The following RUSF1 variants were observed in gnomAD, a reference collection of about 807,000 sequenced individuals.
The protein encoded by RUSF1 is RUS family member 1, also known as RUS1 family protein C16orf58.
In RUSF1, 58 loss-of-function variants were observed where a neutral mutation model predicts 63.0. That is an observed-to-expected ratio of 0.92 (90% CI 0.75 to 1.15). The LOEUF (loss-of-function observed/expected upper bound fraction) is 1.15. Among genes scored for constraint, RUSF1 ranks in the 50% most tolerant of loss-of-function variants. The pLI is 0.00. For synonymous variants in RUSF1, 274 were observed against 255.8 expected (o/e 1.07, Z -0.68); for missense variants, 652 against 611.0 (o/e 1.07, Z -0.71).
At chr16:31,506,901 T>G (rs1315207065) in intron 2 of RUSF1, among the ~76,000 whole-genome samples, 1 of 152,078 alleles carries the variant, frequency 6.6e-6, no homozygotes, top group Non-Finnish European at 1.5e-5. Flanking sequence ...GTTTTCTCAG[T>G]CTTAATGGTA....
chr16:31,492,395 T>TTCTA lies in RUSF1; in HGVS notation c.1088-59_1088-56dup, dbSNP rs1390966706. The TTCTA allele has an allele frequency of 2.0e-6, 3 of 1,487,940 alleles. No homozygotes were observed. In the African/African-American group the frequency reaches 4.2e-5, roughly 21 times the overall value. The allele number at this position is 1,487,940 out of a possible 1,614,324, so 92.2% of individuals were successfully genotyped here. ...AGGGAAGGGCCACCTCCCAAACCCC[T>TTCTA]TCTATCCCATCACCCTGCTTCCCCT... On this transcript the variant is annotated intron_variant, in intron 10 of 12. Coordinates refer to ENST00000327237, the MANE Select transcript of RUSF1 (RefSeq NM_022744.4).
At chr16:31,496,760 G>C in intron 6 of RUSF1, 89 bp downstream of exon 6, 2 of 1,135,158 alleles carry the variant, frequency 1.8e-6, no homozygotes, top group Non-Finnish European at 2.4e-6. Flanking sequence ...ACTTCTTCCT[G>C]TGTGTTCCTG....
In RUSF1 at chr16:31,500,713, C is replaced by T. The variant is rs745330831; in HGVS notation, c.434G>A (p.Gly145Asp). Residue 145 changes from glycine (G) to aspartate (D), a missense_variant, in exon 3 of 13, where the codon GGC (glycine) becomes GAC (aspartate). Transcript: ENST00000327237. ...TTTCCACCAGGCAAAGACGATGCGG[C>T]CCAGCATGCCAGTTGAATCTGGGGG... ...WLVKDSTGMLGRIVFAWWKGS... is the reference protein window; with the variant it reads ...WLVKDSTGMLDRIVFAWWKGS... 2 of 1,612,400 alleles carry T rather than the reference C, an allele frequency of 1.2e-6. No homozygotes were observed. Among genetic ancestry groups the T allele is most frequent in the Admixed American group, 3.3e-5 (2 of 59,896 alleles).
At position 31,490,564 on chromosome 16, in the gene RUSF1, C is replaced by T; in HGVS notation, c.*271G>A. Reference sequence around the variant, plus strand: ...CAACTGCGTTGGACACCATAAGCCACAGCCTCACAGGAAGTGGGGGTGAGG... The same window carrying T: ...CAACTGCGTTGGACACCATAAGCCATAGCCTCACAGGAAGTGGGGGTGAGG... On this transcript the variant is annotated 3_prime_UTR_variant, in exon 13 of 13. Coordinates refer to ENST00000327237, the MANE Select transcript of RUSF1 (RefSeq NM_022744.4). 1 of 1,558,410 alleles carries T rather than the reference C, an allele frequency of 6.4e-7. No individual in the cohort carries two copies. The highest frequency in any genetic ancestry group is 1.3e-5 in the African/African-American group (1 of 74,224).
intron 6 of RUSF1, among the ~76,000 whole-genome samples, chr16:31,496,391 G>C (rs555940853): frequency 6.6e-6 from 1 of 152,278 alleles, no homozygotes; most frequent in South Asian, 2.1e-4. Flanking sequence ...GGGGTTTGTA[G>C]AGGTCTAATC....
rs577485503 is a variant in RUSF1 at position 31,500,942 on chromosome 16, A to T, written c.416-211T>A. Among the ~76,000 whole-genome samples the T allele has an allele frequency of 3.3e-5, 5 of 152,336 alleles. No individual in the cohort carries two copies. In the South Asian group the frequency reaches 1.0e-3, roughly 32 times the overall value. On this transcript the variant is annotated intron_variant, in intron 2 of 12. Coordinates refer to ENST00000327237, the MANE Select transcript of RUSF1 (RefSeq NM_022744.4). ...TCAATATGTCCCCTAGGAGACATGGACAAGAAATGTTCTTTGCAGAATTGT... is the reference window on the plus strand; with the variant it reads ...TCAATATGTCCCCTAGGAGACATGGTCAAGAAATGTTCTTTGCAGAATTGT...
chr16:31,492,301 T>C lies in RUSF1; in HGVS notation c.1127A>G (p.Lys376Arg), dbSNP rs747680425. ...ATGTGTGGCGGCCCTTAGGATGGTC[T>C]TGGGGCCTGCCTTCTGGTTCAGAAC... ...QVVLNQKAGP[K>R]TILRAATHGL... is the part of the protein sequence containing the mutation. The change falls in exon 11 of 13, where the codon AAG becomes AGG. Residue 376 changes from lysine to arginine, a missense_variant. Physicochemically the swap from Lys to Arg is conservative, Grantham distance 26 (BLOSUM62 2). Transcript: ENST00000327237. The C allele has an allele frequency of 6.2e-7, 1 of 1,603,098 alleles. No individual in the cohort carries two copies. Among genetic ancestry groups the C allele is most frequent in the South Asian group, 1.1e-5 (1 of 89,818 alleles).
In RUSF1 at chr16:31,492,206, C is replaced by G. The variant is rs367549185; in HGVS notation, c.1222G>C (p.Val408Leu). The G allele has an allele frequency of 6.2e-7, 1 of 1,610,838 alleles. No individual in the cohort carries two copies. The highest frequency in any genetic ancestry group is 8.5e-7 in the Non-Finnish European group (1 of 1,178,110). Reference protein sequence around the residue: ...PAELEELRNRVRAGPKKESWV... With the variant: ...PAELEELRNRLRAGPKKESWV... ...ATCTTGAGGCACTTACCTGCCCGCA[C>G]CCGGTTCCTCAGCTCCTCCAGCTCT... Residue 408 changes from valine to leucine, a missense_variant, in exon 11 of 13, where the codon GTG (valine) becomes CTG (leucine). Coordinates refer to ENST00000327237, the MANE Select transcript of RUSF1 (RefSeq NM_022744.4).
chr16:31,492,382 C>T (rs781000937), intron 10 of RUSF1, 42 bp from the exon 11 acceptor site: 6 of 1,504,648 alleles, frequency 4.0e-6, no homozygotes, highest in Non-Finnish European at 5.3e-6. Flanking sequence ...GGAAGGGCCA[C>T]CTCCCAAACC....
chr16:31,500,190 C>T (rs2082625635), intron 3 of RUSF1, among the ~76,000 whole-genome samples: 1 of 152,124 alleles, frequency 6.6e-6, no homozygotes, highest in Admixed American at 6.5e-5. Flanking sequence ...GGATTTGCAG[C>T]ATTAGGCCCG....
At chr16:31,502,287 A>T (rs1424293794) in intron 2 of RUSF1, among the ~76,000 whole-genome samples, 1 of 152,048 alleles carries the variant, frequency 6.6e-6, no homozygotes, top group Non-Finnish European at 1.5e-5. Context: ...CAGCCCTCCC[A>T]TTCTCCACTG....
At chr16:31,494,473 G>A (rs1388141139) in intron 6 of RUSF1, among the ~76,000 whole-genome samples, 5 of 151,380 alleles carry the variant, frequency 3.3e-5, no homozygotes, top group East Asian at 1.9e-4. Context: ...CTGAGATCAC[G>A]CCACTTCACT....
chr16:31,492,885 C>A, intron 10 of RUSF1, 93 bp downstream of exon 10: 1 of 1,323,878 alleles, frequency 7.6e-7, no homozygotes. Context: ...CAGGCAGCCT[C>A]CAAACTGCCC....
In RUSF1 at chr16:31,490,258, TGGA is replaced by T; in HGVS notation, c.*574_*576del. On this transcript the variant is annotated 3_prime_UTR_variant, in exon 13 of 13. Transcript: ENST00000327237. Reference sequence around the variant, plus strand: ...AGGGCACCATGCTGGGAGGTGGGGCTGGAGGAGCTGAGTTCCCGCAAACTAACT... The same window carrying T: ...AGGGCACCATGCTGGGAGGTGGGGCTGGAGCTGAGTTCCCGCAAACTAACT... 6.2e-7 allele frequency: 1 copy of T among 1,613,996 alleles called. No individual in the cohort carries two copies. Among genetic ancestry groups the T allele is most frequent in the Non-Finnish European group, 8.5e-7 (1 of 1,179,952 alleles).
At chr16:31,499,245 C>T in intron 5 of RUSF1, 57 bp downstream of exon 5, 2 of 1,474,220 alleles carry the variant, frequency 1.4e-6, no homozygotes, top group Middle Eastern at 1.9e-4. Context: ...CCCAGGTAAA[C>T]TCACACACTA....
Position 31,490,629 on chromosome 16 carries a change from G to A in RUSF1, c.*206C>T. 1.7e-6 allele frequency: 2 copies of A among 1,186,256 alleles called. No homozygotes were observed. Among genetic ancestry groups the A allele is most frequent in the Non-Finnish European group, 2.5e-6 (2 of 816,202 alleles). 73.5% of individuals were successfully genotyped at this position (1,186,256 alleles called of 1,614,324 possible). A position where few individuals can be genotyped will look rare whatever the true frequency, so the allele number is the denominator to read the frequency against. ...CCCAGAAAAGGGGAAGGGGCAGTGGGGTGAGAAGGTCCTGGCTCCCCTTCT... is the reference window on the plus strand; with the variant it reads ...CCCAGAAAAGGGGAAGGGGCAGTGGAGTGAGAAGGTCCTGGCTCCCCTTCT... On this transcript the variant is annotated 3_prime_UTR_variant, in exon 13 of 13. Coordinates refer to ENST00000327237, the MANE Select transcript of RUSF1 (RefSeq NM_022744.4).
intron 6 of RUSF1, 40 bp downstream of exon 6, chr16:31,496,809 C>T (rs1417424255): frequency 2.0e-6 from 3 of 1,489,834 alleles, no homozygotes; most frequent in South Asian, 2.6e-5. Context: ...CTCCCCTTCC[C>T]CTCCCCACTC....
At chr16:31,495,040 G>C (rs1049824578) in intron 6 of RUSF1, among the ~76,000 whole-genome samples, 1 of 152,126 alleles carries the variant, frequency 6.6e-6, no homozygotes, top group Non-Finnish European at 1.5e-5. Flanking sequence ...GTAACTGGCA[G>C]ATAGATTTGC....
rs747779651 is a variant in RUSF1 at position 31,499,490 on chromosome 16, C to T, written c.494+3G>A. ...CCCCTCCCCCGTCCCCGCCCCTCCTCACCTCCACTGCTTGGCATTGCAGTC... is the reference window on the plus strand; with the variant it reads ...CCCCTCCCCCGTCCCCGCCCCTCCTTACCTCCACTGCTTGGCATTGCAGTC... On this transcript the variant is annotated splice_donor_region_variant and intron_variant, in intron 4 of 12. Coordinates refer to ENST00000327237, the MANE Select transcript of RUSF1 (RefSeq NM_022744.4). 9 of 1,607,274 alleles carry T rather than the reference C, an allele frequency of 5.6e-6. No homozygotes were observed. In the African/African-American group the frequency reaches 9.4e-5, roughly 17 times the overall value.
Sources: gnomAD v4.1 joint callset for allele counts (sites outside exome capture counted in the v4.1 genomes callset) on GRCh38, gnomAD v4.1.1 for gene constraint, MANE v1.5 for transcripts, NCBI Gene and HGNC (gene_info 2026-07-23, HGNC 2026-07-21) for gene names.